Variants in DIO2 observed in about 807,000 individuals in gnomAD.
DIO2 encodes the protein type II iodothyronine deiodinase.
A neutral mutation model predicts 21.4 loss-of-function variants in DIO2; 19 were observed. That is an observed-to-expected ratio of 0.89 (90% CI 0.62 to 1.30). The LOEUF (loss-of-function observed/expected upper bound fraction) is 1.30, where lower values mean the gene tolerates loss of function less well. DIO2 is among the 50% of genes most tolerant of loss of function. DIO2 has a pLI of 0.00. For missense variants in DIO2, 302 were observed against 338.1 expected (o/e 0.89, Z 0.84); for synonymous variants, 122 against 132.9 (o/e 0.92, Z 0.57).
chr14:80,212,922 A>G (rs1311522900), upstream of DIO2, among the ~76,000 whole-genome samples: 3 of 152,094 alleles, frequency 2.0e-5, no homozygotes, highest in Non-Finnish European at 4.4e-5. Context: ...CATTTTGCAG[A>G]TAAAATTAAA....
In DIO2 at chr14:80,200,434, G is replaced by A. The variant is rs1160400411; in HGVS notation, c.*2255C>T. ...CTCAGCCTAATCTCATCCCCCCACC[G>A]GCTTATCTGACATACTGTTACTTTA... On this transcript the variant is annotated 3_prime_UTR_variant, in exon 2 of 2. Transcript: ENST00000438257. 3 of 152,382 alleles carry A rather than the reference G, an allele frequency of 2.0e-5. No homozygotes were observed. Among genetic ancestry groups the A allele is most frequent in the Admixed American group, 6.6e-5 (1 of 15,234 alleles). 9.4% of individuals were successfully genotyped at this position (152,382 alleles called of 1,614,324 possible).
chr14:80,218,235 A>G (rs1011112849), intron 2 of DIO2, among the ~76,000 whole-genome samples: 2 of 145,238 alleles, frequency 1.4e-5, no homozygotes, highest in Non-Finnish European at 3.0e-5. Flanking sequence ...ATAAACAAAC[A>G]AACAAAAAAA....
upstream of DIO2, among the ~76,000 whole-genome samples, chr14:80,214,361 T>C (rs1246333821): frequency 6.6e-6 from 1 of 152,212 alleles, no homozygotes; most frequent in Non-Finnish European, 1.5e-5. Flanking sequence ...AGGAGAGGGA[T>C]TGATAGAAAA....
chr14:80,223,255 T>G (rs1380819848), intron 2 of DIO2, among the ~76,000 whole-genome samples: 1 of 152,212 alleles, frequency 6.6e-6, no homozygotes, highest in African/African-American at 2.4e-5. Flanking sequence ...ATTTTCAGTC[T>G]CACCCATCAA....
chr14:80,216,413 AATATACTTCACTTAGGATTG>A (rs1249998083), upstream of DIO2, among the ~76,000 whole-genome samples: 1 of 151,962 alleles, frequency 6.6e-6, no homozygotes, highest in Non-Finnish European at 1.5e-5. Flanking sequence ...AGGAGACAAC[AATATACTTCACTTAGGATTG>A]GCCTAGTCTG....
intron 1 of DIO2, 126 bp downstream of exon 1, chr14:80,211,125 C>G: frequency 1.2e-6 from 1 of 861,308 alleles, no homozygotes; most frequent in Non-Finnish European, 1.8e-6. Flanking sequence ...CTTAGAGGCT[C>G]ACTTGGCAAC....
rs1457035005 is a variant in DIO2, at chr14:80,200,860, A to G, written c.*1829T>C. On this transcript the variant is annotated 3_prime_UTR_variant, in exon 2 of 2. Transcript: ENST00000438257. ...AATAAAATACGTTTGGTTCTTGCAC[A>G]CCTAGTTCTCACTCTTTTCTCAATT... 1.3e-5 allele frequency: 2 copies of G among 152,154 alleles called. No individual in the cohort carries two copies. The highest frequency in any genetic ancestry group is 2.4e-5 in the African/African-American group (1 of 41,430). The allele number at this position is 152,154 out of a possible 1,614,324, so 9.4% of individuals were successfully genotyped here. A position where few individuals can be genotyped will look rare whatever the true frequency, so the allele number is the denominator to read the frequency against.
chr14:80,215,526 A>T (rs566385644), upstream of DIO2, among the ~76,000 whole-genome samples: 32 of 152,322 alleles, frequency 2.1e-4, no homozygotes, highest in South Asian at 2.7e-3. Flanking sequence ...TCATGTTAAC[A>T]ACTCATACCA....
chr14:80,197,788 A>C lies in DIO2; in HGVS notation c.*4901T>G, dbSNP rs1025980349. 4 of 152,632 alleles carry C rather than the reference A, an allele frequency of 2.6e-5. No homozygotes were observed. Among genetic ancestry groups the C allele is most frequent in the Admixed American group, 2.0e-4 (3 of 15,280 alleles). The allele number at this position is 152,632 out of a possible 1,614,324, so 9.5% of individuals were successfully genotyped here. ...GGGAGAGGCAAACTAATGTGACTAC[A>C]TCCAACCACTAACTGAGTCGATGAC... On this transcript the variant is annotated 3_prime_UTR_variant, in exon 2 of 2. Coordinates refer to ENST00000438257, the MANE Select transcript of DIO2 (RefSeq NM_013989.5).
chr14:80,226,057 T>A (rs1357785184), intron 2 of DIO2, among the ~76,000 whole-genome samples: 2 of 152,052 alleles, frequency 1.3e-5, no homozygotes, highest in African/African-American at 4.8e-5. Context: ...TCACTAGGGG[T>A]GATGGTGAGT....
upstream of DIO2, chr14:80,211,595 A>G (rs1888204110): frequency 1.6e-6 from 1 of 619,322 alleles, no homozygotes; most frequent in African/African-American, 1.9e-5. Flanking sequence ...GTTGGGGGAG[A>G]AGGGGAAAAA....
intron 2 of DIO2, among the ~76,000 whole-genome samples, chr14:80,224,517 A>ACACACACC (rs1270911128): frequency 4.0e-5 from 6 of 151,798 alleles, no homozygotes; most frequent in African/African-American, 1.4e-4. Flanking sequence ...ACACACACAC[A>ACACACACC]CACACACACA....
At position 80,202,395 on chromosome 14, in the gene DIO2, T is replaced by A. The variant is rs750847023; in HGVS notation, c.*294A>T. 4.7e-6 allele frequency: 3 copies of A among 635,346 alleles called. No individual in the cohort carries two copies. The East Asian group carries it at 1.1e-4, about 22-fold the overall frequency. The allele number at this position is 635,346 out of a possible 1,614,324, so 39.4% of individuals were successfully genotyped here. ...CAAAGCATGCATCAGATGTATCAGT[T>A]CCTTCTCAATGCAGAATGAACACAT... On this transcript the variant is annotated 3_prime_UTR_variant, in exon 2 of 2. Coordinates refer to ENST00000438257, the MANE Select transcript of DIO2 (RefSeq NM_013989.5).
At chr14:80,225,017 G>T (rs1192140226) in intron 2 of DIO2, among the ~76,000 whole-genome samples, 1 of 152,192 alleles carries the variant, frequency 6.6e-6, no homozygotes. Flanking sequence ...ACAGGAGAAA[G>T]ATGTAGTCTG....
rs1355265132 is a variant in DIO2, at chr14:80,211,319, G to A, written c.154C>T (p.Arg52Trp). The A allele has an allele frequency of 3.1e-6, 5 of 1,613,638 alleles. No individual in the cohort carries two copies. Among genetic ancestry groups the A allele is most frequent in the Middle Eastern group, 1.6e-4 (1 of 6,062 alleles). ...SRSKSTRGEW[R>W]RMLTSEGLRC... is the part of the protein sequence containing the mutation. ...AGTCCCTCTGAGGTCAGCATGCGCC[G>A]CCACTCTCCGCGAGTGGACTTGGAG... Residue 52 changes from arginine (R) to tryptophan (W), a missense_variant, in exon 1 of 2, where the codon CGG (arginine) becomes TGG (tryptophan). Arg to Trp is a moderately radical substitution (Grantham distance 101, BLOSUM62 -3). Transcript: ENST00000438257.
At position 80,201,363 on chromosome 14, in the gene DIO2, T is replaced by C. The variant is rs1700251260; in HGVS notation, c.*1326A>G. The C allele has an allele frequency of 1.3e-5, 2 of 152,164 alleles. No individual in the cohort carries two copies. The highest frequency in any genetic ancestry group is 1.3e-4 in the Admixed American group (2 of 15,274). 9.4% of individuals were successfully genotyped at this position (152,164 alleles called of 1,614,324 possible). ...AACTTCCTCTTCTTCTATTTTGCAA[T>C]GGAAGTAAGCTTGTTTGTTTGCACC... On this transcript the variant is annotated 3_prime_UTR_variant, in exon 2 of 2. Transcript: ENST00000438257.
upstream of DIO2, among the ~76,000 whole-genome samples, chr14:80,213,320 A>C (rs1237143957): frequency 6.6e-6 from 1 of 152,174 alleles, no homozygotes; most frequent in Non-Finnish European, 1.5e-5. Flanking sequence ...TAGATAGCTG[A>C]GTTTTCTATG....
At position 80,198,635 on chromosome 14, in the gene DIO2, A is replaced by G. The variant is rs1045447164; in HGVS notation, c.*4054T>C. On this transcript the variant is annotated 3_prime_UTR_variant, in exon 2 of 2. Transcript: ENST00000438257. ...ATGACCAAGATTGTGCCCATTGCAA[A>G]GCAGAGATTGGTACTTAAGCCCCAT... 6.6e-6 allele frequency: 1 copy of G among 152,090 alleles called. No individual in the cohort carries two copies. The highest frequency in any genetic ancestry group is 1.5e-5 in the Non-Finnish European group (1 of 68,038). The allele number at this position is 152,090 out of a possible 1,614,324, so 9.4% of individuals were successfully genotyped here.
Position 80,202,582 on chromosome 14 carries a change from T to C in DIO2, c.*107A>G. 2 of 1,171,312 alleles carry C rather than the reference T, an allele frequency of 1.7e-6. No homozygotes were observed. The highest frequency in any genetic ancestry group is 2.4e-6 in the Non-Finnish European group (2 of 849,628). 72.6% of individuals were successfully genotyped at this position (1,171,312 alleles called of 1,614,324 possible). A position where few individuals can be genotyped will look rare whatever the true frequency, so the allele number is the denominator to read the frequency against. ...CATGTTCTTCCGATAGATAAACTCCTGTCTTTCAGTAAGCCAATAGGGCTC... is the reference window on the plus strand; with the variant it reads ...CATGTTCTTCCGATAGATAAACTCCCGTCTTTCAGTAAGCCAATAGGGCTC... On this transcript the variant is annotated 3_prime_UTR_variant, in exon 2 of 2. Coordinates refer to ENST00000438257, the MANE Select transcript of DIO2 (RefSeq NM_013989.5).
Sources: allele counts gnomAD v4.1 joint callset (sites outside exome capture counted in the v4.1 genomes callset), GRCh38; gene constraint gnomAD v4.1.1; transcripts MANE v1.5; gene names NCBI Gene and HGNC (gene_info 2026-07-23, HGNC 2026-07-21).